LTBP4: variants seen among roughly 807,000 people sequenced by gnomAD.
LTBP4 encodes the protein latent transforming growth factor beta binding protein 4.
LTBP4 carries 93 observed loss-of-function variants against 180.2 expected under a neutral mutation model. The observed-to-expected ratio is 0.52, with a 90% CI of 0.44 to 0.61. The LOEUF is 0.61. Among genes scored for constraint, LTBP4 ranks in the 20% least tolerant of loss-of-function variants. The probability of loss-of-function intolerance (pLI) is 0.00; values close to 1 mark genes in which losing one functional copy is unlikely to be tolerated. For missense variants in LTBP4, 2,116 were observed against 2,256.5 expected (o/e 0.94, Z 1.26); for synonymous variants, 947 against 934.5 (o/e 1.01, Z -0.24).
In LTBP4 at chr19:40,617,035, G is replaced by A. The variant is rs368146894; in HGVS notation, c.2944+15G>A. ...CGGATGCCAGGGTGGGTGTCCATCA[G>A]GCATCGGGTGAGATGTGGAGATGGT... On this transcript the variant is annotated intron_variant, in intron 20 of 29. Coordinates refer to ENST00000396819, the MANE Select transcript of LTBP4 (RefSeq NM_001042545.2). 2.3e-4 allele frequency: 373 copies of A among 1,612,836 alleles called. No individual in the cohort carries two copies. Among genetic ancestry groups the A allele is most frequent in the Non-Finnish European group, 3.1e-4 (368 of 1,178,974 alleles).
chr19:40,599,950 TG>T, upstream of LTBP4: 1 of 485,058 alleles, frequency 2.1e-6, no homozygotes, highest in Non-Finnish European at 3.6e-6. Context: ...AAATAGGTGT[TG>T]TGGGGGGAGG....
chr19:40,606,454 A>G lies in LTBP4; in HGVS notation c.919A>G (p.Asn307Asp), dbSNP rs1350259221. 6 of 1,588,742 alleles carry G rather than the reference A, an allele frequency of 3.8e-6. No homozygotes were observed. Among genetic ancestry groups the G allele is most frequent in the African/African-American group, 1.3e-5 (1 of 74,340 alleles). The change falls in exon 6 of 30, where the codon AAC (asparagine) becomes GAC (aspartate). Residue 307 changes from asparagine to aspartate, a missense_variant. This residue lies in a region of LTBP4 where 469 missense variants were observed against 532.5 expected (regional missense o/e 0.88). Transcript: ENST00000396819. ...GCGCTGCCAGCACGGCGAGTGTGCA[A>G]ACACGCGCGGCGGGTACACGTGTGT... Reference protein sequence around the residue: ...GGRCQHGECANTRGGYTCVCP... With the variant: ...GGRCQHGECADTRGGYTCVCP...
At chr19:40,623,128 G>C (rs990627607) in intron 24 of LTBP4, 107 bp downstream of exon 24, 1 of 755,152 alleles carries the variant, frequency 1.3e-6, no homozygotes, top group Admixed American at 3.1e-5. Context: ...CTCTGTATCT[G>C]TCTCCCCGAC....
At chr19:40,599,704 C>G, upstream of LTBP4, 1 of 709,182 alleles carries the variant, frequency 1.4e-6, no homozygotes, top group Non-Finnish European at 2.3e-6. Flanking sequence ...CTGTCCGTTT[C>G]TATTTCATCC....
At chr19:40,626,779 G>A (rs1395814592) in intron 27 of LTBP4, among the ~76,000 whole-genome samples, 196 bp from the exon 28 acceptor site, 1 of 152,158 alleles carries the variant, frequency 6.6e-6, no homozygotes, top group Non-Finnish European at 1.5e-5. Flanking sequence ...ATTCTTAGCA[G>A]GCTTCATTAC....
intron 19 of LTBP4, chr19:40,615,450 T>G (rs181808558): frequency 1.3e-5 from 2 of 152,330 alleles, no homozygotes; most frequent in African/African-American, 4.8e-5. Flanking sequence ...GTAATAAATA[T>G]GTAAATAAAT....
intron 28 of LTBP4, 77 bp downstream of exon 28, chr19:40,627,432 G>GGAGGGAGGGAAACAGAAA: frequency 1.4e-6 from 2 of 1,434,382 alleles, no homozygotes; most frequent in South Asian, 3.0e-5. Flanking sequence ...GGAAACAGAA[G>GGAGGGAGGGAAACAGAAA]GCGGGAGGAG....
rs750612900 is a variant in LTBP4, at chr19:40,616,923, T to C, written c.2847T>C (p.Ile949=). 1.2e-6 allele frequency: 2 copies of C among 1,614,026 alleles called. No homozygotes were observed. Among genetic ancestry groups the C allele is most frequent in the South Asian group, 2.2e-5 (2 of 91,086 alleles). Residue 949 remains isoleucine (I), a synonymous_variant, in exon 20 of 30, where the codon ATT becomes ATC. Transcript: ENST00000396819. ...VDECQEYGPE[I]CGAQRCENTP... ...AGTGCCAAGAATATGGTCCCGAGAT[T>C]TGTGGAGCCCAGCGTTGTGAGAACA...
chr19:40,604,976 AC>A, intron 1 of LTBP4, 58 bp from the exon 2 acceptor site: 3 of 1,477,318 alleles, frequency 2.0e-6, no homozygotes, highest in Non-Finnish European at 2.8e-6. Flanking sequence ...GGGAGTAGGG[AC>A]CCCAGGAGAA....
Position 40,605,320 on chromosome 19 carries a change from G to T in LTBP4, c.443-85G>T. On this transcript the variant is annotated intron_variant, in intron 2 of 29. Transcript: ENST00000396819. This position sits in a 1 kb window ranked among gnomAD's most constrained non-coding sequence, Gnocchi z 5.5. The stretch of plus-strand genomic sequence containing the variant: ...ATTTCCCGCCTTCCCGAGCACCTTT[G>T]CCCAGCTCGCCCTCCCCGCCTTGTC... 1 of 1,578,586 alleles carries T rather than the reference G, an allele frequency of 6.3e-7. No individual in the cohort carries two copies.
intron 21 of LTBP4, among the ~76,000 whole-genome samples, chr19:40,617,505 C>T (rs1027589747): frequency 6.6e-6 from 1 of 151,994 alleles, no homozygotes; most frequent in African/African-American, 2.4e-5. Context: ...TTAGCCGGAT[C>T]TGGTGGCAAA....
chr19:40,597,128 T>C, upstream of LTBP4: 3 of 1,069,316 alleles, frequency 2.8e-6, no homozygotes, highest in Non-Finnish European at 3.6e-6. Flanking sequence ...GTGGAGAAAG[T>C]GAGTCGGCCT....
chr19:40,594,347 C>T (rs1445909811), intron 1 of LTBP4, among the ~76,000 whole-genome samples: 1 of 151,622 alleles, frequency 6.6e-6, no homozygotes, highest in Non-Finnish European at 1.5e-5. Flanking sequence ...CAAGAGGTGA[C>T]ATAGACACGA....
intron 11 of LTBP4, 189 bp downstream of exon 11, chr19:40,610,060 C>T (rs2081493935): frequency 1.3e-6 from 1 of 752,714 alleles, no homozygotes; most frequent in East Asian, 2.9e-5. Context: ...TGACCCCACC[C>T]CTACCCAGCT....
chr19:40,621,938 C>T (rs1000284571), intron 22 of LTBP4, among the ~76,000 whole-genome samples: 7 of 151,908 alleles, frequency 4.6e-5, no homozygotes, highest in Admixed American at 2.6e-4. Flanking sequence ...TAGTAGAGAC[C>T]GGGTTTCACC....
rs1426812295 is a variant in LTBP4 at position 40,607,487 on chromosome 19, G to A, written c.1114G>A (p.Ala372Thr). ...CTGCTGCTGCAGCCGCGTAGGCAAG[G>A]CCTGGGGCCGGGGCTGCCAGCTCTG... Reference protein sequence around the residue: ...QICCCSRVGKAWGRGCQLCPP... With the variant: ...QICCCSRVGKTWGRGCQLCPP... Residue 372 changes from alanine (A) to threonine (T), a missense_variant, in exon 7 of 30, where the codon GCC (alanine) becomes ACC (threonine). Transcript: ENST00000396819. The A allele has an allele frequency of 1.2e-6, 2 of 1,612,930 alleles. No individual in the cohort carries two copies. The highest frequency in any genetic ancestry group is 1.3e-5 in the African/African-American group (1 of 75,062).
At chr19:40,601,331 G>A, upstream of LTBP4, 2 of 985,952 alleles carry the variant, frequency 2.0e-6, no homozygotes, top group Non-Finnish European at 2.4e-6. Context: ...GGGCGGGTGC[G>A]GCCGGGCCCC....
At chr19:40,600,204 T>C, upstream of LTBP4, 1 of 1,202,690 alleles carries the variant, frequency 8.3e-7, no homozygotes, top group Non-Finnish European at 1.1e-6. The surrounding 1 kb of genome is among the most constrained non-coding windows in gnomAD (Gnocchi z 4.4). Context: ...TTCCTCCGCC[T>C]GGGGCGAGGG....
In LTBP4 at chr19:40,605,136, T is replaced by C. The variant is rs1280152516; in HGVS notation, c.352T>C (p.Ser118Pro). The change falls in exon 2 of 30, where the codon TCG (serine) becomes CCG (proline). Residue 118 changes from serine to proline, a missense_variant. Around this residue, in one of 5 missense-constraint regions of LTBP4, gnomAD observed 469 missense variants for 532.5 expected, o/e 0.88. Coordinates refer to ENST00000396819, the MANE Select transcript of LTBP4 (RefSeq NM_001042545.2). This position sits in a 1 kb window ranked among gnomAD's most constrained non-coding sequence, Gnocchi z 5.5. ...FAGKFCQLHS[S>P]GARPPAPAVP... ...TGGCAAGTTCTGCCAGTTGCACTCC[T>C]CGGGCGCCCGGCCCCCGGCCCCGGC... 5.6e-6 allele frequency: 9 copies of C among 1,613,302 alleles called. No homozygotes were observed. Among genetic ancestry groups the C allele is most frequent in the Non-Finnish European group, 7.6e-6 (9 of 1,179,742 alleles).
Sources: gnomAD v4.1 joint callset for allele counts (sites outside exome capture counted in the v4.1 genomes callset) on GRCh38, gnomAD v4.1.1 for gene constraint, gnomAD v4.1.1 regional missense constraint, Gnocchi (gnomAD v3.1) non-coding constraint, MANE v1.5 for transcripts, NCBI Gene and HGNC (gene_info 2026-07-23, HGNC 2026-07-21) for gene names.